VAV1: variants seen among roughly 807,000 people sequenced by gnomAD.
VAV1 encodes vav guanine nucleotide exchange factor 1.
A neutral mutation model predicts 128.1 loss-of-function variants in VAV1; 33 were observed. That is an observed-to-expected ratio of 0.26 (90% CI 0.20 to 0.34). The LOEUF (loss-of-function observed/expected upper bound fraction) is 0.34, where lower values mean the gene tolerates loss of function less well. Ranked by LOEUF, VAV1 falls within the 10% of genes least tolerant of loss-of-function variation. VAV1 has a pLI of 1.00. For synonymous variants in VAV1, 394 were observed against 409.8 expected, an observed-to-expected ratio of 0.96 and a Z score of 0.47; for missense variants, 715 against 1,093.7, an observed-to-expected ratio of 0.65 and a Z score of 4.88.
intron 14 of VAV1, among the ~76,000 whole-genome samples, chr19:6,831,287 G>T (rs1464291921): frequency 6.6e-6 from 1 of 151,990 alleles, no homozygotes; most frequent in Non-Finnish European, 1.5e-5. Context: ...TTGCCCTGGA[G>T]TTCCCCCTGT....
At chr19:6,818,329 C>A (rs1191648265) in intron 1 of VAV1, among the ~76,000 whole-genome samples, 2 of 152,190 alleles carry the variant, frequency 1.3e-5, no homozygotes, top group African/African-American at 4.8e-5. Flanking sequence ...GGTGCCACAA[C>A]AAAGTACCAC....
intron 22 of VAV1, 41 bp downstream of exon 22, chr19:6,843,207 T>C: frequency 3.7e-6 from 6 of 1,613,070 alleles, no homozygotes; most frequent in Non-Finnish European, 5.1e-6. Context: ...GAGAGGTTTC[T>C]GGGTTGGGGT....
rs1555701499 is a variant in VAV1, at chr19:6,814,714, T to TTCTTTCTC, written c.205-5981_205-5980insCTCTTTCT. Reference sequence around the variant, plus strand: ...TTTCTTTCTTTCTTTCTTTCTTTCTTTCTTTCTTTCTTTCTTTCCTTTTTC... The same window carrying TTCTTTCTC: ...TTTCTTTCTTTCTTTCTTTCTTTCTTTCTTTCTCTCTTTCTTTCTTTCTTTCCTTTTTC... On this transcript the variant is annotated intron_variant, in intron 1 of 26. Coordinates refer to ENST00000602142, the MANE Select transcript of VAV1 (RefSeq NM_005428.4). 2.2e-3 allele frequency among the ~76,000 whole-genome samples: 303 copies of TTCTTTCTC among 140,338 alleles called. 4 individuals are homozygous for TTCTTTCTC. Among genetic ancestry groups the TTCTTTCTC allele is most frequent in the Non-Finnish European group, 3.6e-3 (238 of 65,644 alleles). 92.1% of individuals were successfully genotyped at this position (140,338 alleles called of 152,430 possible).
rs559692527 is a variant in VAV1, at chr19:6,791,453, T to G, written c.204+18442T>G. 5.9e-5 allele frequency among the ~76,000 whole-genome samples: 9 copies of G among 152,232 alleles called. No homozygotes were observed. In the East Asian group the frequency reaches 1.7e-3, roughly 29 times the overall value. On this transcript the variant is annotated intron_variant, in intron 1 of 26. Transcript: ENST00000602142. ...CTCATCTCAAGGTCCTTGAGCTAGC[T>G]CCTTATCCTGGGGTCCTTGAGCTAC...
rs535422405 is a variant in VAV1 at position 6,783,948 on chromosome 19, C to T, written c.204+10937C>T. ...TGGCTCCAGAAATGCAGGTATGGAG[C>T]GGGTTTCAGGAATGCAGGTCTAGGG... is the stretch of plus-strand genomic sequence containing the variant. On this transcript the variant is annotated intron_variant, in intron 1 of 26. Transcript: ENST00000602142. Among the ~76,000 whole-genome samples the T allele has an allele frequency of 7.3e-5, 11 of 150,750 alleles. No individual in the cohort carries two copies. In the East Asian group the frequency reaches 1.6e-3, roughly 22 times the overall value.
Position 6,820,682 on chromosome 19 carries a change from A to G in VAV1, c.205-20A>G, listed in dbSNP as rs1316446211. 4 of 1,612,080 alleles carry G rather than the reference A, an allele frequency of 2.5e-6. No individual in the cohort carries two copies. Among genetic ancestry groups the G allele is most frequent in the Non-Finnish European group, 3.4e-6 (4 of 1,178,406 alleles). On this transcript the variant is annotated intron_variant, in intron 1 of 26. Transcript: ENST00000602142. This position sits in a 1 kb window ranked among gnomAD's most constrained non-coding sequence, Gnocchi z 4.4. ...TGCCCTTTCGTACTGCCCCACCCTCATTTCTCTGTCTCCTCACAGTTCCTG... is the reference window on the plus strand; with the variant it reads ...TGCCCTTTCGTACTGCCCCACCCTCGTTTCTCTGTCTCCTCACAGTTCCTG...
At chr19:6,783,347 C>T (rs1970807693) in intron 1 of VAV1, among the ~76,000 whole-genome samples, 2 of 152,058 alleles carry the variant, frequency 1.3e-5, no homozygotes, top group African/African-American at 4.8e-5. Flanking sequence ...CTCTCTAGGG[C>T]CGAGGCTCCA....
chr19:6,817,226 TG>T (rs376664671), intron 1 of VAV1, among the ~76,000 whole-genome samples: 93 of 151,810 alleles, frequency 6.1e-4, no homozygotes, highest in African/African-American at 2.2e-3. Flanking sequence ...TTTTTTTGTT[TG>T]TTTTTTTGGT....
At position 6,832,129 on chromosome 19, in the gene VAV1, C is replaced by T. The variant is rs910317445; in HGVS notation, c.1437C>T (p.Ala479=). ...TCCTCCTGATCGAGGACCAAGGTGCCCAGGGCTATGAGCTGTTCTTCAAGA... is the reference window on the plus strand; with the variant it reads ...TCCTCCTGATCGAGGACCAAGGTGCTCAGGGCTATGAGCTGTTCTTCAAGA... The part of the protein sequence containing the change: ...HMFLLIEDQG[A]QGYELFFKTR... Residue 479 remains alanine (A), a synonymous_variant, in exon 15 of 27, where the codon GCC becomes GCT. Coordinates refer to ENST00000602142, the MANE Select transcript of VAV1 (RefSeq NM_005428.4). The T allele has an allele frequency of 6.2e-7, 1 of 1,614,050 alleles. No individual in the cohort carries two copies. The highest frequency in any genetic ancestry group is 8.5e-7 in the Non-Finnish European group (1 of 1,179,992).
At chr19:6,799,383 T>A (rs1971212180) in intron 1 of VAV1, among the ~76,000 whole-genome samples, 1 of 152,140 alleles carries the variant, frequency 6.6e-6, no homozygotes, top group Non-Finnish European at 1.5e-5. Flanking sequence ...TTGACCAGGC[T>A]GGTCTCGAAC....
At chr19:6,821,486 G>A in intron 2 of VAV1, 136 bp from the exon 3 acceptor site, 1 of 915,518 alleles carries the variant, frequency 1.1e-6, no homozygotes, top group Non-Finnish European at 1.8e-6. Context: ...TGGGGAATAG[G>A]AGGTAGAGAA....
chr19:6,796,095 G>A (rs1971127492), intron 1 of VAV1, among the ~76,000 whole-genome samples: 1 of 152,110 alleles, frequency 6.6e-6, no homozygotes. Flanking sequence ...GATATACCCT[G>A]GTGATCTAAT....
rs186133366 is a variant in VAV1 at position 6,795,146 on chromosome 19, G to C, written c.204+22135G>C. Among the ~76,000 whole-genome samples, 1,068 of 152,186 alleles carry C rather than the reference G, an allele frequency of 7.0e-3. 7 individuals are homozygous for C. The highest frequency in any genetic ancestry group is 0.017 in the Admixed American group (263 of 15,256). On this transcript the variant is annotated intron_variant, in intron 1 of 26. Transcript: ENST00000602142. ...CGCAGTGTCACTTACAGCAGTTTTCGTAACAAGAAGCCATACCCTGGCTTC... is the reference window on the plus strand; with the variant it reads ...CGCAGTGTCACTTACAGCAGTTTTCCTAACAAGAAGCCATACCCTGGCTTC...
chr19:6,832,335 AAG>A, intron 15 of VAV1, 135 bp downstream of exon 15: 1 of 815,490 alleles, frequency 1.2e-6, no homozygotes, highest in Non-Finnish European at 1.9e-6. Context: ...TTTGGGAAAT[AAG>A]AGGGACAGGC....
intron 25 of VAV1, 63 bp from the exon 26 acceptor site, chr19:6,853,884 C>T (rs1972726318): frequency 6.4e-7 from 1 of 1,573,040 alleles, no homozygotes; most frequent in Admixed American, 1.7e-5. Flanking sequence ...AGAGCTTGTG[C>T]CCCCAGAGAG....
intron 14 of VAV1, among the ~76,000 whole-genome samples, chr19:6,830,846 G>A (rs1972037876): frequency 6.6e-6 from 1 of 152,154 alleles, no homozygotes; most frequent in South Asian, 2.1e-4. Context: ...CCAGTACTTT[G>A]GGAGGCCGAG....
intron 1 of VAV1, among the ~76,000 whole-genome samples, chr19:6,814,648 C>G (rs1486015571): frequency 1.8e-5 from 1 of 54,980 alleles, no homozygotes; most frequent in Admixed American, 2.1e-4. Flanking sequence ...TCCTTCCTTC[C>G]TTCCTTCCTT....
intron 26 of VAV1, among the ~76,000 whole-genome samples, chr19:6,856,055 G>A (rs1283653205): frequency 6.6e-6 from 1 of 152,164 alleles, no homozygotes; most frequent in Non-Finnish European, 1.5e-5. Context: ...AGCACTTTGG[G>A]ATGCCAAGGT....
intron 1 of VAV1, among the ~76,000 whole-genome samples, chr19:6,816,192 TTG>T (rs1164650601): frequency 1.3e-5 from 2 of 151,956 alleles, no homozygotes; most frequent in East Asian, 3.9e-4. Context: ...GCTAATTTTT[TTG>T]TGTTTTTGGT....
Sources: allele counts gnomAD v4.1 joint callset (sites outside exome capture counted in the v4.1 genomes callset), GRCh38; gene constraint gnomAD v4.1.1; non-coding constraint Gnocchi (gnomAD v3.1); transcripts MANE v1.5; gene names NCBI Gene and HGNC (gene_info 2026-07-23, HGNC 2026-07-21).